Variants in PCED1B observed in about 807,000 individuals in gnomAD.
PCED1B encodes PC-esterase domain containing 1B, also known as PC-esterase domain-containing protein 1B.
For missense variants in PCED1B, 573 were observed against 573.9 expected (o/e 1.00, Z 0.02); for synonymous variants, 251 against 246.1 (o/e 1.02, Z -0.19).
intron 2 of PCED1B, among the ~76,000 whole-genome samples, chr12:47,191,777 G>GTT (rs1180768066): frequency 6.6e-6 from 1 of 151,098 alleles, no homozygotes; most frequent in African/African-American, 2.4e-5. Context: ...AAGTTTTGGG[G>GTT]TTTTTTTGGT....
At chr12:47,205,231 T>C (rs1942877435) in intron 2 of PCED1B, among the ~76,000 whole-genome samples, 1 of 152,104 alleles carries the variant, frequency 6.6e-6, no homozygotes, top group Non-Finnish European at 1.5e-5. Context: ...AATTCCTGGA[T>C]GGAGGCTACA....
intron 2 of PCED1B, among the ~76,000 whole-genome samples, chr12:47,114,661 C>T (rs925885553): frequency 6.6e-6 from 1 of 152,220 alleles, no homozygotes; most frequent in African/African-American, 2.4e-5. Flanking sequence ...GCAGATGTTC[C>T]TAGCCCAGAA....
intron 2 of PCED1B, among the ~76,000 whole-genome samples, chr12:47,175,027 C>T (rs1296293439): frequency 6.6e-6 from 1 of 152,074 alleles, no homozygotes; most frequent in Non-Finnish European, 1.5e-5. Flanking sequence ...TAACTATATA[C>T]CATATATATC....
At chr12:47,101,888 G>C (rs1196683787) in intron 1 of PCED1B, among the ~76,000 whole-genome samples, 1 of 152,044 alleles carries the variant, frequency 6.6e-6, no homozygotes, top group Non-Finnish European at 1.5e-5. Context: ...GGAGGTTGCA[G>C]TGAGCCGAGA....
intron 3 of PCED1B, among the ~76,000 whole-genome samples, chr12:47,233,886 A>G (rs1319018959): frequency 6.6e-6 from 1 of 152,146 alleles, no homozygotes; most frequent in Non-Finnish European, 1.5e-5. Context: ...ATGTATTCAA[A>G]TTATTTCCAG....
intron 2 of PCED1B, among the ~76,000 whole-genome samples, chr12:47,110,159 A>G (rs1473514992): frequency 6.6e-6 from 1 of 152,198 alleles, no homozygotes; most frequent in Non-Finnish European, 1.5e-5. Context: ...AAATGAAACA[A>G]TATGTGCTTT....
chr12:47,114,134 A>G (rs1367025315), intron 2 of PCED1B, among the ~76,000 whole-genome samples: 1 of 152,178 alleles, frequency 6.6e-6, no homozygotes, highest in Non-Finnish European at 1.5e-5. Flanking sequence ...ATAACACAGG[A>G]GCACACTTGT....
chr12:47,126,645 A>G lies in PCED1B; in HGVS notation c.-526+22450A>G, dbSNP rs534978401. On this transcript the variant is annotated intron_variant, in intron 2 of 3. Transcript: ENST00000546455. ...TCTGAGCCTGGAATTTTCTTTGTGG[A>G]AAAGTTTTAATTTCAATTTCAAATT... Among the ~76,000 whole-genome samples, 7 of 152,260 alleles carry G rather than the reference A, an allele frequency of 4.6e-5. No homozygotes were observed. In the East Asian group the frequency reaches 1.3e-3, roughly 29 times the overall value.
intron 2 of PCED1B, among the ~76,000 whole-genome samples, chr12:47,161,308 A>G (rs1418782589): frequency 6.6e-6 from 1 of 152,228 alleles, no homozygotes; most frequent in Non-Finnish European, 1.5e-5. Flanking sequence ...CCACTTTTCT[A>G]GCACAATTTG....
chr12:47,207,010 C>A (rs1394549762), intron 2 of PCED1B, among the ~76,000 whole-genome samples: 1 of 152,196 alleles, frequency 6.6e-6, no homozygotes, highest in African/African-American at 2.4e-5. Context: ...CTCAACTTGG[C>A]AGGCTCTGCC....
At chr12:47,215,961 G>T (rs888418104) in intron 2 of PCED1B, among the ~76,000 whole-genome samples, 2 of 152,070 alleles carry the variant, frequency 1.3e-5, no homozygotes. Context: ...CCTGAAGCAG[G>T]AGAATCGCTT....
chr12:47,223,112 AAGAGAGAG>A (rs377711497), intron 3 of PCED1B, among the ~76,000 whole-genome samples: 2 of 151,506 alleles, frequency 1.3e-5, no homozygotes, highest in Non-Finnish European at 2.9e-5. Flanking sequence ...AAATAAGAAA[AAGAGAGAG>A]AGAGAGAGAA....
Position 47,235,136 on chromosome 12 carries a change from G to A in PCED1B, c.73G>A (p.Val25Met), listed in dbSNP as rs374307961. ...GTTCGTGGTCATCCTGGGGGACTCT[G>A]TGCATAGGGCAGTATACAAGGACCT... ...NKFVVILGDSVHRAVYKDLVL... is the reference protein window; with the variant it reads ...NKFVVILGDSMHRAVYKDLVL... The change falls in exon 4 of 4, where the codon GTG becomes ATG. Residue 25 changes from valine to methionine, a missense_variant. Transcript: ENST00000546455. The A allele has an allele frequency of 5.1e-6, 8 of 1,556,852 alleles. No individual in the cohort carries two copies. The highest frequency in any genetic ancestry group is 6.9e-6 in the Non-Finnish European group (8 of 1,151,446).
intron 2 of PCED1B, among the ~76,000 whole-genome samples, chr12:47,182,351 T>C (rs922157067): frequency 6.6e-6 from 1 of 152,062 alleles, no homozygotes; most frequent in Non-Finnish European, 1.5e-5. Flanking sequence ...CCCAGCACGT[T>C]GGGAGGCTGA....
At chr12:47,123,294 G>A (rs1230155597) in intron 2 of PCED1B, among the ~76,000 whole-genome samples, 1 of 152,116 alleles carries the variant, frequency 6.6e-6, no homozygotes, top group Admixed American at 6.5e-5. Flanking sequence ...TGTTTTGTAA[G>A]ATATAACAGA....
At chr12:47,201,350 T>G (rs909969160) in intron 2 of PCED1B, among the ~76,000 whole-genome samples, 3 of 152,094 alleles carry the variant, frequency 2.0e-5, no homozygotes, top group Non-Finnish European at 4.4e-5. Context: ...ATCAGTTAAT[T>G]GCATTCTTGG....
At chr12:47,124,677 A>T (rs60923415) in intron 2 of PCED1B, among the ~76,000 whole-genome samples, 12,595 of 152,040 alleles carry the variant, frequency 0.083, 859 homozygotes, top group African/African-American at 0.19. Flanking sequence ...TCAACATGCT[A>T]ACCAGCACTT....
Position 47,217,401 on chromosome 12 carries a change from C to G in PCED1B, c.-58+712C>G, listed in dbSNP as rs146175825. On this transcript the variant is annotated intron_variant, in intron 3 of 3. Transcript: ENST00000546455. ...GCAACAGAGTGAGACAAGAAAGAAA[C>G]AGAGAGAGAGAGAGAGACAGAGAAA... Among the ~76,000 whole-genome samples the G allele has an allele frequency of 2.7e-3, 310 of 114,934 alleles. 3 individuals are homozygous for G. The highest frequency in any genetic ancestry group is 5.4e-3 in the African/African-American group (193 of 35,462). 75.4% of individuals were successfully genotyped at this position (114,934 alleles called of 152,430 possible). A position where few individuals can be genotyped will look rare whatever the true frequency, so the allele number is the denominator to read the frequency against.
At chr12:47,081,595 G>A (rs1451244802) in intron 1 of PCED1B, among the ~76,000 whole-genome samples, 2 of 152,222 alleles carry the variant, frequency 1.3e-5, no homozygotes, top group Non-Finnish European at 2.9e-5. Context: ...GGGAGAGGCA[G>A]AAGTTGAGAT....
Sources: allele counts gnomAD v4.1 joint callset (sites outside exome capture counted in the v4.1 genomes callset), GRCh38; gene constraint gnomAD v4.1.1; transcripts MANE v1.5; gene names NCBI Gene and HGNC (gene_info 2026-07-23, HGNC 2026-07-21).